Variants in DST observed in about 807,000 individuals in gnomAD.
DST encodes the protein dystonin.
A neutral mutation model predicts 875.2 loss-of-function variants in DST; 253 were observed. That is an observed-to-expected ratio of 0.29 (90% confidence interval 0.26 to 0.32). The LOEUF is 0.32. Among genes scored for constraint, DST ranks in the 10% least tolerant of loss-of-function variants. The probability of loss-of-function intolerance (pLI) is 1.00; values close to 1 mark genes in which losing one functional copy is unlikely to be tolerated. For synonymous variants in DST, 3,124 were observed against 3,197.1 expected (o/e 0.98, Z 0.77); for missense variants, 8,287 against 9,111.6 (o/e 0.91, Z 3.68).
At chr6:56,879,395 C>T (rs1780992483) in intron 3 of DST, among the ~76,000 whole-genome samples, 1 of 151,600 alleles carries the variant, frequency 6.6e-6, no homozygotes, top group South Asian at 2.1e-4. Context: ...GGCAGGAACC[C>T]GGGAGGTGGA....
At chr6:56,630,218 A>T (rs1164715699) in intron 31 of DST, 27 bp downstream of exon 31, 3 of 1,487,670 alleles carry the variant, frequency 2.0e-6, no homozygotes, top group East Asian at 2.3e-5. Flanking sequence ...TACGATATTT[A>T]AAAATATCCA....
At chr6:56,503,551 C>A (rs920858530) in intron 78 of DST, among the ~76,000 whole-genome samples, 5 of 148,642 alleles carry the variant, frequency 3.4e-5, no homozygotes, top group Admixed American at 2.7e-4. Flanking sequence ...TTATAAAAAT[C>A]CTTACACTAT....
chr6:56,705,179 A>AGCAG (rs780368735), intron 5 of DST, among the ~76,000 whole-genome samples: 3 of 152,230 alleles, frequency 2.0e-5, no homozygotes, highest in Non-Finnish European at 2.9e-5. Flanking sequence ...CAAATGTCAA[A>AGCAG]GCAGGTATTA....
At chr6:56,891,523 G>C (rs1025169258) in intron 3 of DST, among the ~76,000 whole-genome samples, 36 of 144,680 alleles carry the variant, frequency 2.5e-4, no homozygotes, top group African/African-American at 8.3e-4. Flanking sequence ...CCGAGATTGA[G>C]CCACTGCACT....
Position 56,618,011 on chromosome 6 carries a change from A to G in DST, c.4930-3527T>C, listed in dbSNP as rs146392434. On this transcript the variant is annotated intron_variant, in intron 36 of 103. Coordinates refer to ENST00000680361, the MANE Select transcript of DST (RefSeq NM_001374736.1). ...CTCTAAGGGTGTCAAAACCTTCACC[A>G]GTTCCATTTCACATGCGTTATCTTG... 1.7e-5 allele frequency: 27 copies of G among 1,614,018 alleles called. No individual in the cohort carries two copies. In the African/African-American group the frequency reaches 2.5e-4, roughly 15 times the overall value.
intron 85 of DST, 147 bp from the exon 86 acceptor site, chr6:56,489,756 C>T (rs190041424): frequency 9.4e-6 from 7 of 746,928 alleles, no homozygotes; most frequent in African/African-American, 8.9e-5. Flanking sequence ...AAAAGTAATG[C>T]TTTCATCAGC....
At chr6:56,567,610 G>A (rs2097702558) in intron 55 of DST, among the ~76,000 whole-genome samples, 1 of 151,716 alleles carries the variant, frequency 6.6e-6, no homozygotes, top group Admixed American at 6.6e-5. Flanking sequence ...GAAGAAAAAG[G>A]AGAAATCATC....
At chr6:56,819,786 A>C (rs62411400) in intron 4 of DST, among the ~76,000 whole-genome samples, 17 of 152,202 alleles carry the variant, frequency 1.1e-4, no homozygotes, top group Non-Finnish European at 1.8e-4. Flanking sequence ...CCTTGCCTTC[A>C]ATGTTTACTG....
chr6:56,660,386 T>G lies in DST; in HGVS notation c.1215-9142A>C, dbSNP rs191386280. 5.9e-5 allele frequency among the ~76,000 whole-genome samples: 9 copies of G among 152,268 alleles called. No individual in the cohort carries two copies. In the East Asian group the frequency reaches 1.7e-3, roughly 29 times the overall value. The stretch of plus-strand genomic sequence containing the variant: ...CCTCACTCCATTCCTAAAGATCATT[T>G]TTAGAACACCCTCTATACTACAGAA... On this transcript the variant is annotated intron_variant, in intron 10 of 103. Transcript: ENST00000680361.
intron 67 of DST, 126 bp downstream of exon 67, chr6:56,528,715 C>T (rs2096844297): frequency 4.4e-6 from 3 of 681,866 alleles, no homozygotes; most frequent in Non-Finnish European, 7.7e-6. Flanking sequence ...AAAGCATTCT[C>T]CAGAATAAAA....
intron 49 of DST, among the ~76,000 whole-genome samples, chr6:56,587,606 T>C (rs1413886649): frequency 6.6e-6 from 1 of 151,938 alleles, no homozygotes; most frequent in East Asian, 1.9e-4. Context: ...AGACACATAA[T>C]TGTCAGATTC....
intron 82 of DST, among the ~76,000 whole-genome samples, chr6:56,497,091 C>T (rs1443784037): frequency 6.6e-6 from 1 of 151,828 alleles, no homozygotes; most frequent in Admixed American, 6.6e-5. Context: ...GTGCAGGACA[C>T]CAGCATGGCA....
intron 4 of DST, among the ~76,000 whole-genome samples, chr6:56,771,783 G>A: frequency 6.6e-6 from 1 of 152,100 alleles, no homozygotes; most frequent in East Asian, 1.9e-4. Context: ...TGAACCCTGT[G>A]GACTTTTCTT....
At chr6:56,894,780 G>T (rs1790132893) in intron 3 of DST, among the ~76,000 whole-genome samples, 1 of 95,574 alleles carries the variant, frequency 1.0e-5, no homozygotes, top group South Asian at 3.1e-4. Flanking sequence ...CCCCCTCCCG[G>T]ACGAGGCGGC....
At chr6:56,880,186 C>T (rs549122293) in intron 3 of DST, among the ~76,000 whole-genome samples, 16 of 152,084 alleles carry the variant, frequency 1.1e-4, no homozygotes, top group Non-Finnish European at 2.1e-4. Context: ...TAAAGTTAAG[C>T]GATAACTCTT....
Position 56,606,910 on chromosome 6 carries a change from G to A in DST, c.7718C>T (p.Ser2573Phe), listed in dbSNP as rs1586448808. The A allele has an allele frequency of 6.2e-7, 1 of 1,613,412 alleles. No individual in the cohort carries two copies. The highest frequency in any genetic ancestry group is 1.3e-5 in the African/African-American group (1 of 75,002). Residue 2573 changes from serine to phenylalanine, a missense_variant, in exon 40 of 104, where the codon TCT becomes TTT. Transcript: ENST00000680361. ...PGGDTDNAIV[S>F]LTCATPLLDE... ...AAGCAATGGTGTAGCACAAGTAAGA[G>A]ACACAATGGCATTATCAGTATCACC...
At chr6:56,597,425 G>A (rs972481464) in intron 47 of DST, among the ~76,000 whole-genome samples, 1 of 152,062 alleles carries the variant, frequency 6.6e-6, no homozygotes, top group Non-Finnish European at 1.5e-5. Flanking sequence ...GAGTAACTGG[G>A]AAGACAAAAT....
intron 2 of DST, among the ~76,000 whole-genome samples, chr6:56,916,155 G>A (rs1218042797): frequency 6.6e-6 from 1 of 152,162 alleles, no homozygotes; most frequent in Non-Finnish European, 1.5e-5. Flanking sequence ...TCATACATCA[G>A]CACAGCCATG....
At chr6:56,683,457 C>T (rs2152845555) in intron 9 of DST, among the ~76,000 whole-genome samples, 1 of 152,184 alleles carries the variant, frequency 6.6e-6, no homozygotes, top group Non-Finnish European at 1.5e-5. Context: ...CCTCTTCTCT[C>T]CTATGATCAA....
Sources: gnomAD v4.1 joint callset for allele counts (sites outside exome capture counted in the v4.1 genomes callset) on GRCh38, gnomAD v4.1.1 for gene constraint, MANE v1.5 for transcripts, NCBI Gene and HGNC (gene_info 2026-07-23, HGNC 2026-07-21) for gene names.